FSTL5: variants seen among roughly 807,000 people sequenced by gnomAD.
The protein encoded by FSTL5 is follistatin-related protein 5.
A neutral mutation model predicts 89.1 loss-of-function variants in FSTL5; 62 were observed. The ratio of observed to expected loss-of-function variants is 0.70; its 90% CI spans 0.57 to 0.86. FSTL5 has a LOEUF of 0.86. Ranked by LOEUF, FSTL5 falls within the 40% of genes least tolerant of loss-of-function variation. The pLI, the probability that FSTL5 is intolerant of heterozygous loss-of-function variation, is 0.00. For synonymous variants in FSTL5, 383 were observed against 346.2 expected, an observed-to-expected ratio of 1.11 and a Z score of -1.18; for missense variants, 1,057 against 1,001.6, an observed-to-expected ratio of 1.06 and a Z score of -0.75.
At chr4:161,618,492 C>T (rs1369411504) in intron 7 of FSTL5, among the ~76,000 whole-genome samples, 5 of 145,054 alleles carry the variant, frequency 3.4e-5, no homozygotes, top group Non-Finnish European at 6.0e-5. Flanking sequence ...TTTTGAAATA[C>T]GTCCCATCAA....
chr4:161,826,785 A>G, intron 4 of FSTL5, among the ~76,000 whole-genome samples: 1 of 152,026 alleles, frequency 6.6e-6, no homozygotes, highest in East Asian at 1.9e-4. Context: ...GTGAGTCCTT[A>G]TGTGTCAGGT....
At chr4:161,405,588 G>A (rs1042691335) in intron 15 of FSTL5, among the ~76,000 whole-genome samples, 6 of 152,036 alleles carry the variant, frequency 3.9e-5, no homozygotes, top group East Asian at 1.9e-4. Flanking sequence ...TACCAGTTAC[G>A]CAATTTTCCA....
At chr4:161,544,577 A>T (rs2126547730) in intron 8 of FSTL5, among the ~76,000 whole-genome samples, 1 of 152,056 alleles carries the variant, frequency 6.6e-6, no homozygotes, top group South Asian at 2.1e-4. Flanking sequence ...ACAACATTGT[A>T]AATATGTTAT....
chr4:162,136,153 T>C (rs1579055595), intron 1 of FSTL5, among the ~76,000 whole-genome samples: 1 of 151,632 alleles, frequency 6.6e-6, no homozygotes, highest in Admixed American at 6.6e-5. Flanking sequence ...ACCCCAAAAT[T>C]CCCCCAGCAA....
At chr4:161,701,802 T>C (rs2126730389) in intron 6 of FSTL5, among the ~76,000 whole-genome samples, 1 of 152,230 alleles carries the variant, frequency 6.6e-6, no homozygotes, top group Non-Finnish European at 1.5e-5. Context: ...CTAGGTTTGA[T>C]TGTGTATTCA....
chr4:162,136,585 G>A (rs1038976888), intron 1 of FSTL5, among the ~76,000 whole-genome samples: 2 of 151,944 alleles, frequency 1.3e-5, no homozygotes, highest in African/African-American at 4.8e-5. Context: ...CAAAACATTA[G>A]AAAAAGGCTG....
At chr4:161,704,338 A>G (rs549335798) in intron 6 of FSTL5, among the ~76,000 whole-genome samples, 282 of 152,122 alleles carry the variant, frequency 1.9e-3, no homozygotes, top group African/African-American at 6.6e-3. Context: ...AAATGTGTAA[A>G]AGCAAACTGT....
chr4:161,837,967 G>T (rs1731097457), intron 4 of FSTL5, among the ~76,000 whole-genome samples: 1 of 152,070 alleles, frequency 6.6e-6, no homozygotes, highest in Non-Finnish European at 1.5e-5. Context: ...TTCACCATTT[G>T]ACTTAACGGG....
chr4:161,506,660 C>T lies in FSTL5; in HGVS notation c.1339+3738G>A, dbSNP rs1420938739. Among the ~76,000 whole-genome samples the T allele has an allele frequency of 2.6e-5, 4 of 152,176 alleles. No individual in the cohort carries two copies. In the South Asian group the frequency reaches 6.2e-4, roughly 24 times the overall value. On this transcript the variant is annotated intron_variant, in intron 11 of 15. Transcript: ENST00000306100. ...ATTTCCGAACCTCCCTGGCAGTGTA[C>T]ATTTTTTGTGGGTAATGAAATTTTA...
At chr4:161,624,590 G>A (rs1475541031) in intron 7 of FSTL5, among the ~76,000 whole-genome samples, 1 of 151,538 alleles carries the variant, frequency 6.6e-6, no homozygotes, top group Non-Finnish European at 1.5e-5. Flanking sequence ...TTTAATACAT[G>A]ATTGTAAATT....
chr4:161,754,507 CA>C (rs1003394425), intron 6 of FSTL5, among the ~76,000 whole-genome samples: 1 of 152,054 alleles, frequency 6.6e-6, no homozygotes, highest in Non-Finnish European at 1.5e-5. Context: ...CATAAAATTT[CA>C]CACAATTTTA....
At chr4:161,393,015 T>C (rs940442425) in intron 15 of FSTL5, among the ~76,000 whole-genome samples, 1 of 151,784 alleles carries the variant, frequency 6.6e-6, no homozygotes, top group African/African-American at 2.4e-5. Context: ...TATACAAAAA[T>C]TAGCCAGGTA....
At chr4:161,715,522 C>T (rs1024774252) in intron 6 of FSTL5, among the ~76,000 whole-genome samples, 12 of 152,224 alleles carry the variant, frequency 7.9e-5, no homozygotes, top group Non-Finnish European at 1.6e-4. Context: ...GCACTCACAT[C>T]TGAGAATAAG....
chr4:161,486,143 C>CAAAAAAAAA (rs1278214856), intron 12 of FSTL5, among the ~76,000 whole-genome samples: 1 of 76,164 alleles, frequency 1.3e-5, no homozygotes, highest in Non-Finnish European at 2.7e-5. Flanking sequence ...GACTCCGTCT[C>CAAAAAAAAA]AAAAAAAAAA....
In FSTL5 at chr4:162,078,990, T is replaced by A. The variant is rs116774466; in HGVS notation, c.126+32281A>T. 6.9e-3 allele frequency among the ~76,000 whole-genome samples: 1,047 copies of A among 151,822 alleles called. 12 individuals are homozygous for A. The highest frequency in any genetic ancestry group is 0.024 in the African/African-American group (988 of 41,482). On this transcript the variant is annotated intron_variant, in intron 2 of 15. Coordinates refer to ENST00000306100, the MANE Select transcript of FSTL5 (RefSeq NM_020116.5). ...ATCAGTAACAACAAGAAAACTGCAA[T>A]GGTTGAGGTATTGTCTAACACATAA...
intron 8 of FSTL5, among the ~76,000 whole-genome samples, chr4:161,572,119 G>T (rs1276720909): frequency 6.6e-6 from 1 of 151,842 alleles, no homozygotes; most frequent in Non-Finnish European, 1.5e-5. Context: ...AGACCATCCA[G>T]ACCAGCCTGG....
chr4:162,035,834 G>C (rs1737716183), intron 2 of FSTL5, among the ~76,000 whole-genome samples: 1 of 152,078 alleles, frequency 6.6e-6, no homozygotes, highest in Non-Finnish European at 1.5e-5. Context: ...AGTGTATTTG[G>C]AATACCTACT....
intron 1 of FSTL5, among the ~76,000 whole-genome samples, chr4:162,123,721 T>C (rs1231810667): frequency 6.6e-6 from 1 of 152,136 alleles, no homozygotes; most frequent in Non-Finnish European, 1.5e-5. Context: ...AGAACCCAAG[T>C]CATGAGCAAA....
intron 3 of FSTL5, among the ~76,000 whole-genome samples, chr4:162,013,956 G>A (rs191460131): frequency 6.6e-6 from 1 of 152,212 alleles, no homozygotes; most frequent in Admixed American, 6.5e-5. Flanking sequence ...GAGCCTCATG[G>A]ATCTCAGAAG....
Sources: allele counts gnomAD v4.1 joint callset (sites outside exome capture counted in the v4.1 genomes callset), GRCh38; gene constraint gnomAD v4.1.1; transcripts MANE v1.5; gene names NCBI Gene and HGNC (gene_info 2026-07-23, HGNC 2026-07-21).